The following ATG3 variants were observed in gnomAD, a reference collection of about 807,000 sequenced individuals.
ATG3 encodes the protein ubiquitin-like-conjugating enzyme ATG3.
ATG3 carries 25 observed loss-of-function variants against 50.7 expected under a neutral mutation model. The ratio of observed to expected loss-of-function variants is 0.49; its 90% CI spans 0.36 to 0.69. The LOEUF is 0.69. ATG3 is among the 30% of genes least tolerant of loss of function. ATG3 has a pLI of 0.00. For synonymous variants in ATG3, 119 were observed against 125.5 expected, an observed-to-expected ratio of 0.95 and a Z score of 0.34; for missense variants, 281 against 376.0, an observed-to-expected ratio of 0.75 and a Z score of 2.09.
chr3:112,554,898 G>A (rs1026825973), intron 2 of ATG3, among the ~76,000 whole-genome samples: 7 of 151,808 alleles, frequency 4.6e-5, no homozygotes, highest in Non-Finnish European at 5.9e-5. Flanking sequence ...CTTTTACTTC[G>A]AATAACCTTA....
chr3:112,560,926 T>C (rs1933844876), intron 1 of ATG3, among the ~76,000 whole-genome samples: 2 of 152,216 alleles, frequency 1.3e-5, no homozygotes, highest in Admixed American at 1.3e-4. Context: ...TCAAGGTTAC[T>C]GAATGAGATA....
intron 11 of ATG3, 169 bp from the exon 12 acceptor site, chr3:112,532,949 T>C: frequency 2.3e-6 from 3 of 1,285,384 alleles, no homozygotes; most frequent in East Asian, 6.5e-5. Context: ...CTATTTAACA[T>C]GAGGCTCTTT....
chr3:112,536,675 ACT>A (rs1180640050), intron 9 of ATG3, 73 bp from the exon 10 acceptor site: 25 of 1,504,686 alleles, frequency 1.7e-5, no homozygotes, highest in Non-Finnish European at 2.2e-5. Flanking sequence ...TAATCCCAGC[ACT>A]GTGGGAGACT....
At chr3:112,545,042 A>T (rs1047531863) in intron 5 of ATG3, among the ~76,000 whole-genome samples, 2 of 152,214 alleles carry the variant, frequency 1.3e-5, no homozygotes, top group African/African-American at 4.8e-5. Flanking sequence ...ATCATATCAC[A>T]TTTATATGTG....
chr3:112,536,643 C>T (rs748825457), intron 9 of ATG3, 41 bp from the exon 10 acceptor site: 11 of 1,606,724 alleles, frequency 6.8e-6, no homozygotes, highest in South Asian at 5.5e-5. Flanking sequence ...TATTTAAGGC[C>T]GGGTGCAGTG....
intron 1 of ATG3, among the ~76,000 whole-genome samples, chr3:112,561,206 C>T (rs1933858595): frequency 6.6e-6 from 1 of 152,200 alleles, no homozygotes; most frequent in Non-Finnish European, 1.5e-5. Flanking sequence ...CGTACCCGAC[C>T]GCGCAGAGTT....
chr3:112,532,889 C>A, intron 11 of ATG3, 109 bp from the exon 12 acceptor site: 3 of 1,330,198 alleles, frequency 2.3e-6, no homozygotes, highest in Non-Finnish European at 1.9e-6. Flanking sequence ...AAAAACCCCA[C>A]AAAATCTTAA....
rs200858219 is a variant in ATG3, at chr3:112,561,562, G to A, written c.-34C>T. 3.8e-5 allele frequency: 61 copies of A among 1,599,928 alleles called. No homozygotes were observed. In the East Asian group the frequency reaches 1.3e-3, roughly 34 times the overall value. On this transcript the variant is annotated 5_prime_UTR_variant, in exon 1 of 12. Transcript: ENST00000283290. ...CGGAGTAGCGGCCGGCCCCGCGACG[G>A]GATGGAAAGTGCAGCCGTGTCAGGG...
At chr3:112,544,610 C>T (rs375748268) in intron 5 of ATG3, among the ~76,000 whole-genome samples, 7 of 142,240 alleles carry the variant, frequency 4.9e-5, no homozygotes, top group East Asian at 4.1e-4. Flanking sequence ...GCCGAAATCG[C>T]ACCATTGCAC....
At position 112,553,122 on chromosome 3, in the gene ATG3, C is replaced by T. The variant is rs116708532; in HGVS notation, c.164+158G>A. ...ATAGGTATAACACCCACTTGTTCTTCCTTTATTTTGAAGGGGCATTGTTTA... is the reference window on the plus strand; with the variant it reads ...ATAGGTATAACACCCACTTGTTCTTTCTTTATTTTGAAGGGGCATTGTTTA... On this transcript the variant is annotated intron_variant, in intron 3 of 11. Coordinates refer to ENST00000283290, the MANE Select transcript of ATG3 (RefSeq NM_022488.5). 1.4e-3 allele frequency among the ~76,000 whole-genome samples: 213 copies of T among 152,248 alleles called. 2 individuals are homozygous for T. The highest frequency in any genetic ancestry group is 4.9e-3 in the African/African-American group (205 of 41,536).
intron 1 of ATG3, among the ~76,000 whole-genome samples, chr3:112,560,493 C>T (rs1002950081): frequency 1.3e-5 from 2 of 151,858 alleles, no homozygotes; most frequent in Non-Finnish European, 2.9e-5. Flanking sequence ...GGGAGCAAAG[C>T]AAAACTCTCC....
At chr3:112,557,127 G>T (rs1933706328) in intron 2 of ATG3, among the ~76,000 whole-genome samples, 1 of 149,870 alleles carries the variant, frequency 6.7e-6, no homozygotes, top group Non-Finnish European at 1.5e-5. Context: ...TTAGAGAAAA[G>T]ATTAGTTATG....
At chr3:112,547,117 T>C (rs1237954364) in intron 5 of ATG3, among the ~76,000 whole-genome samples, 1 of 152,200 alleles carries the variant, frequency 6.6e-6, no homozygotes, top group African/African-American at 2.4e-5. Context: ...GGCAGCAATT[T>C]TTCCCCCAAC....
chr3:112,561,247 G>A (rs1933860655), intron 1 of ATG3, among the ~76,000 whole-genome samples: 1 of 152,184 alleles, frequency 6.6e-6, no homozygotes, highest in Admixed American at 6.5e-5. Flanking sequence ...CACGCAGAGC[G>A]TCGCTCCAAG....
rs1933884893 is a variant in ATG3, at chr3:112,561,578, C to G, written c.-50G>C. On this transcript the variant is annotated 5_prime_UTR_variant, in exon 1 of 12. Transcript: ENST00000283290. ...CCCGCGACGGGATGGAAAGTGCAGC[C>G]GTGTCAGGGGCCAGGGAGTCAGAAA... is the stretch of plus-strand genomic sequence containing the variant. The G allele has an allele frequency of 6.4e-7, 1 of 1,573,204 alleles. No individual in the cohort carries two copies. Among genetic ancestry groups the G allele is most frequent in the Non-Finnish European group, 8.7e-7 (1 of 1,154,654 alleles).
intron 9 of ATG3, 45 bp downstream of exon 9, chr3:112,537,690 C>A (rs1190505672): frequency 3.5e-6 from 5 of 1,416,392 alleles, no homozygotes; most frequent in African/African-American, 3.0e-5. Flanking sequence ...TAAAACCCAA[C>A]AATTTAAAAT....
intron 2 of ATG3, among the ~76,000 whole-genome samples, chr3:112,557,332 A>T (rs1165050881): frequency 3.3e-5 from 5 of 152,110 alleles, no homozygotes; most frequent in African/African-American, 1.2e-4. Context: ...CAGCACAGAA[A>T]CCATTCTTAA....
chr3:112,545,464 A>C, intron 5 of ATG3, among the ~76,000 whole-genome samples: 1 of 152,232 alleles, frequency 6.6e-6, no homozygotes, highest in Non-Finnish European at 1.5e-5. Context: ...TAATCTTCTA[A>C]AATTTTGAGA....
intron 1 of ATG3, among the ~76,000 whole-genome samples, chr3:112,560,952 C>G (rs1559851211): frequency 6.6e-6 from 1 of 152,144 alleles, no homozygotes; most frequent in Non-Finnish European, 1.5e-5. Flanking sequence ...GCCAATTTCA[C>G]CTCCTTCCTC....
Sources: allele counts gnomAD v4.1 joint callset (sites outside exome capture counted in the v4.1 genomes callset), GRCh38; gene constraint gnomAD v4.1.1; transcripts MANE v1.5; gene names NCBI Gene and HGNC (gene_info 2026-07-23, HGNC 2026-07-21).